Variants in LEKR1 observed in about 807,000 individuals in gnomAD.
LEKR1 encodes the protein leucine, glutamate and lysine rich 1.
LEKR1 carries 59 observed loss-of-function variants against 72.4 expected under a neutral mutation model. The ratio of observed to expected loss-of-function variants is 0.82; its 90% CI spans 0.66 to 1.01. The LOEUF (loss-of-function observed/expected upper bound fraction) is 1.01, where lower values mean the gene tolerates loss of function less well. Ranked by LOEUF, LEKR1 falls within the 50% of genes least tolerant of loss-of-function variation. The pLI is 0.00. For synonymous variants in LEKR1, 257 were observed against 263.2 expected, an observed-to-expected ratio of 0.98 and a Z score of 0.23; for missense variants, 728 against 759.2, an observed-to-expected ratio of 0.96 and a Z score of 0.48.
At chr3:156,925,530 C>CA (rs1724634831) in intron 4 of LEKR1, among the ~76,000 whole-genome samples, 1 of 151,980 alleles carries the variant, frequency 6.6e-6, no homozygotes, top group East Asian at 1.9e-4. Flanking sequence ...CATCTCTTAG[C>CA]AACTGTTTTT....
At chr3:157,032,811 G>GTT (rs34846016) in intron 12 of LEKR1, among the ~76,000 whole-genome samples, 112 of 151,362 alleles carry the variant, frequency 7.4e-4, no homozygotes, top group Middle Eastern at 3.4e-3. Context: ...AGATACTGTG[G>GTT]TTTTTTTTTC....
intron 3 of LEKR1, chr3:156,888,547 G>A: frequency 1.8e-6 from 1 of 560,346 alleles, no homozygotes; most frequent in Non-Finnish European, 3.2e-6. Context: ...AAGACTGAAA[G>A]GGCCTGGTTA....
At chr3:156,986,068 G>A (rs1182005641) in intron 7 of LEKR1, among the ~76,000 whole-genome samples, 2 of 152,100 alleles carry the variant, frequency 1.3e-5, no homozygotes, top group Non-Finnish European at 2.9e-5. Context: ...AACAGGTAAG[G>A]AAATGAATTC....
intron 10 of LEKR1, among the ~76,000 whole-genome samples, chr3:157,023,950 A>G (rs1472315163): frequency 6.6e-6 from 1 of 152,230 alleles, no homozygotes; most frequent in Non-Finnish European, 1.5e-5. Flanking sequence ...ATCTGTAGAC[A>G]TGATGGAATG....
At position 156,993,123 on chromosome 3, in the gene LEKR1, C is replaced by G; in HGVS notation, c.955C>G (p.Gln319Glu). Residue 319 changes from glutamine to glutamate, a missense_variant, in exon 9 of 13, where the codon CAG (glutamine) becomes GAG (glutamate). Gln to Glu is a conservative substitution (Grantham distance 29, BLOSUM62 2). Coordinates refer to ENST00000356539, the MANE Select transcript of LEKR1 (RefSeq NM_001004316.3). ...EKEDSLMTCQ[Q>E]IYKALQEELT... ...AGAAGACTCTTTAATGACTTGTCAA[C>G]AGATATATAAAGCATTACAGGAAGA... 1 of 1,610,884 alleles carries G rather than the reference C, an allele frequency of 6.2e-7. No individual in the cohort carries two copies. The highest frequency in any genetic ancestry group is 8.5e-7 in the Non-Finnish European group (1 of 1,178,686).
intron 2 of LEKR1, among the ~76,000 whole-genome samples, chr3:156,835,147 A>G (rs1712937449): frequency 6.6e-6 from 1 of 152,210 alleles, no homozygotes; most frequent in African/African-American, 2.4e-5. Flanking sequence ...AACAATTGTC[A>G]GCTAGGCAAC....
intron 2 of LEKR1, among the ~76,000 whole-genome samples, chr3:156,838,238 G>A (rs549998133): frequency 1.3e-5 from 2 of 152,268 alleles, no homozygotes; most frequent in South Asian, 2.1e-4. Context: ...GTTGAACTTT[G>A]TTCATGGCTC....
At chr3:156,917,102 T>G (rs1723730403) in intron 3 of LEKR1, among the ~76,000 whole-genome samples, 1 of 151,966 alleles carries the variant, frequency 6.6e-6, no homozygotes, top group Admixed American at 6.6e-5. Flanking sequence ...AAGGGGCAAT[T>G]AAAAAAGGCC....
intron 9 of LEKR1, among the ~76,000 whole-genome samples, chr3:157,005,957 T>C (rs1732389548): frequency 6.6e-6 from 1 of 151,220 alleles, no homozygotes; most frequent in Admixed American, 6.6e-5. Flanking sequence ...CATTACTCAT[T>C]AGGGAAATGC....
chr3:156,896,129 T>C (rs1334027652), intron 3 of LEKR1, among the ~76,000 whole-genome samples: 1 of 152,058 alleles, frequency 6.6e-6, no homozygotes, highest in Non-Finnish European at 1.5e-5. Flanking sequence ...GCACCACGTG[T>C]TCTCACTTAT....
intron 9 of LEKR1, among the ~76,000 whole-genome samples, chr3:157,001,119 G>A (rs528333426): frequency 9.9e-5 from 15 of 152,182 alleles, no homozygotes; most frequent in African/African-American, 1.9e-4. Flanking sequence ...AAATTACCCC[G>A]TCTCAGGTAT....
intron 6 of LEKR1, among the ~76,000 whole-genome samples, chr3:156,966,359 C>T (rs961136580): frequency 2.6e-5 from 4 of 152,130 alleles, no homozygotes; most frequent in African/African-American, 9.7e-5. Context: ...TGCAAGGAGT[C>T]AGGGAATTCC....
chr3:156,839,195 C>T (rs1453485181), intron 2 of LEKR1, among the ~76,000 whole-genome samples: 1 of 152,164 alleles, frequency 6.6e-6, no homozygotes, highest in Non-Finnish European at 1.5e-5. Context: ...AAAAGATAAA[C>T]ATCAGGTGTT....
intron 3 of LEKR1, among the ~76,000 whole-genome samples, chr3:156,905,428 C>T (rs1168792296): frequency 1.2e-4 from 19 of 152,082 alleles, no homozygotes; most frequent in Non-Finnish European, 2.9e-5. Flanking sequence ...TAAATAAAAG[C>T]AGTATAATAC....
chr3:156,867,223 T>G (rs1015466687), intron 3 of LEKR1, among the ~76,000 whole-genome samples: 3 of 152,120 alleles, frequency 2.0e-5, no homozygotes, highest in African/African-American at 4.8e-5. Flanking sequence ...TCTGCTGAGA[T>G]AGCTTATTAT....
rs144051264 is a variant in LEKR1 at position 156,943,891 on chromosome 3, A to G, written c.745+1177A>G. 2.2e-3 allele frequency among the ~76,000 whole-genome samples: 327 copies of G among 151,956 alleles called. 1 individual carries two copies. Among genetic ancestry groups the G allele is most frequent in the African/African-American group, 7.6e-3 (315 of 41,516 alleles). The stretch of plus-strand genomic sequence containing the variant: ...AAATCAGATAAAATTTAAAATAATC[A>G]TATATTTTTATTTTCTTTCCTGAGA... On this transcript the variant is annotated intron_variant, in intron 6 of 12. Coordinates refer to ENST00000356539, the MANE Select transcript of LEKR1 (RefSeq NM_001004316.3).
chr3:156,957,231 C>T (rs552046393), intron 6 of LEKR1, among the ~76,000 whole-genome samples: 6 of 151,984 alleles, frequency 3.9e-5, no homozygotes, highest in African/African-American at 1.4e-4. Context: ...TTTAAAATGA[C>T]AATATGACCA....
intron 6 of LEKR1, among the ~76,000 whole-genome samples, chr3:156,950,212 A>G (rs908751082): frequency 6.7e-6 from 1 of 149,916 alleles, no homozygotes; most frequent in African/African-American, 2.4e-5. Context: ...CCCCTTTTTC[A>G]TTTCTTATAT....
intron 3 of LEKR1, among the ~76,000 whole-genome samples, chr3:156,909,283 C>T (rs1055960056): frequency 6.6e-6 from 1 of 152,112 alleles, no homozygotes; most frequent in Non-Finnish European, 1.5e-5. Context: ...ATATGTAGTG[C>T]TTCCATTATC....
Sources: allele counts gnomAD v4.1 joint callset (sites outside exome capture counted in the v4.1 genomes callset), GRCh38; gene constraint gnomAD v4.1.1; transcripts MANE v1.5; gene names NCBI Gene and HGNC (gene_info 2026-07-23, HGNC 2026-07-21).